The following GRAMD4 variants were observed in gnomAD, a reference collection of about 807,000 sequenced individuals.
GRAMD4 encodes the protein GRAM domain-containing protein 4.
Under a neutral mutation model 83.9 loss-of-function variants are expected in GRAMD4, and 25 were observed. That is an observed-to-expected ratio of 0.30 (90% CI 0.22 to 0.42). The LOEUF is 0.42. GRAMD4 is among the 10% of genes least tolerant of loss of function. GRAMD4 has a pLI of 1.00. For synonymous variants in GRAMD4, 336 were observed against 320.9 expected (o/e 1.05, Z -0.50); for missense variants, 593 against 788.7 (o/e 0.75, Z 2.97).
intron 8 of GRAMD4, 57 bp downstream of exon 8, chr22:46,664,174 A>G: frequency 1.6e-6 from 2 of 1,259,248 alleles, no homozygotes; most frequent in Non-Finnish European, 2.3e-6. Flanking sequence ...GCCAGCATTC[A>G]CCACATGATC....
chr22:46,618,946 G>T (rs754089867), upstream of GRAMD4, among the ~76,000 whole-genome samples: 5 of 152,240 alleles, frequency 3.3e-5, no homozygotes, highest in Non-Finnish European at 7.3e-5. The surrounding 1 kb of genome is among the most constrained non-coding windows in gnomAD (Gnocchi z 5.8). Context: ...TGAGATACTG[G>T]TGAGCTGTCC....
chr22:46,597,830 A>T (rs2081277286), intron 1 of GRAMD4, among the ~76,000 whole-genome samples: 1 of 152,070 alleles, frequency 6.6e-6, no homozygotes, highest in South Asian at 2.1e-4. Flanking sequence ...GTACAGTTTG[A>T]TTTGCAAGTT....
intron 1 of GRAMD4, among the ~76,000 whole-genome samples, chr22:46,594,825 G>A (rs8140936): frequency 0.042 from 6,310 of 151,982 alleles, 439 homozygotes; most frequent in African/African-American, 0.14. Context: ...CTGGGGTTGG[G>A]GGTGAGGAGG....
At position 46,659,833 on chromosome 22, in the gene GRAMD4, G is replaced by T. The variant is rs371088432; in HGVS notation, c.404+1526G>T. ...AATGGGTGCATGGGCCTCGGCAGGC[G>T]CTTTACCTGATGCTGAACCTTCTGG... On this transcript the variant is annotated intron_variant, in intron 4 of 18. Coordinates refer to ENST00000406902, the MANE Select transcript of GRAMD4 (RefSeq NM_015124.5). The surrounding 1 kb of genome is among the most constrained non-coding windows in gnomAD (Gnocchi z 4.1). Among the ~76,000 whole-genome samples, 2 of 152,176 alleles carry T rather than the reference G, an allele frequency of 1.3e-5. No homozygotes were observed. Among genetic ancestry groups the T allele is most frequent in the Non-Finnish European group, 2.9e-5 (2 of 68,032 alleles).
chr22:46,674,013 G>T (rs2082555390), intron 15 of GRAMD4, among the ~76,000 whole-genome samples, 199 bp downstream of exon 15: 1 of 152,226 alleles, frequency 6.6e-6, no homozygotes, highest in South Asian at 2.1e-4. Flanking sequence ...GGGGAGGAGG[G>T]CGTGCCCGTG....
At chr22:46,624,518 A>G (rs1298808908) in intron 1 of GRAMD4, among the ~76,000 whole-genome samples, 11 of 151,740 alleles carry the variant, frequency 7.2e-5, no homozygotes, top group Non-Finnish European at 1.3e-4. Context: ...TAGTAGAGAC[A>G]GGGTTTCACC....
intron 1 of GRAMD4, among the ~76,000 whole-genome samples, chr22:46,623,919 T>G (rs148945456): frequency 7.9e-5 from 12 of 151,836 alleles, no homozygotes; most frequent in African/African-American, 2.9e-4. Context: ...GTAGCTGGGA[T>G]TGTAGGCGCA....
In GRAMD4 at chr22:46,672,974, T is replaced by C. The variant is rs1287478977; in HGVS notation, c.1216T>C (p.Ser406Pro). 1 of 1,605,946 alleles carries C rather than the reference T, an allele frequency of 6.2e-7. No homozygotes were observed. ...CACCGACCCGCAGCTCAAGGAGCGC[T>C]CCAGCGCCGCAGTCTCACGCAGGGT... Reference protein sequence around the residue: ...LPTDPQLKERSSAAVSRRLQT... With the variant: ...LPTDPQLKERPSAAVSRRLQT... The change falls in exon 14 of 19, where the codon TCC becomes CCC. Residue 406 changes from serine (S) to proline (P), a missense_variant. Physicochemically the swap from Ser to Pro is moderately conservative, Grantham distance 74. Around this residue, in one of 4 missense-constraint regions of GRAMD4, gnomAD observed 171 missense variants for 199.6 expected, o/e 0.86. Coordinates refer to ENST00000406902, the MANE Select transcript of GRAMD4 (RefSeq NM_015124.5). The surrounding 1 kb of genome is among the most constrained non-coding windows in gnomAD (Gnocchi z 4.7).
At chr22:46,653,829 G>C (rs968417990) in intron 3 of GRAMD4, among the ~76,000 whole-genome samples, 1 of 152,138 alleles carries the variant, frequency 6.6e-6, no homozygotes. Context: ...GAGCCTTCCC[G>C]CCTTGGCCTA....
chr22:46,584,695 C>T (rs752571112), intron 1 of GRAMD4, among the ~76,000 whole-genome samples: 136 of 152,256 alleles, frequency 8.9e-4, no homozygotes, highest in Middle Eastern at 3.4e-3. Flanking sequence ...GGGGAGGGGC[C>T]GCCACCTCCC....
In GRAMD4 at chr22:46,678,847, C is replaced by T. The variant is rs751951089; in HGVS notation, c.*1596C>T. ...GGGGGTGCTTTGGGGGGAGCTGCGCCGATCACCAGATTAAGCACATGTCCT... is the reference window on the plus strand; with the variant it reads ...GGGGGTGCTTTGGGGGGAGCTGCGCTGATCACCAGATTAAGCACATGTCCT... On this transcript the variant is annotated 3_prime_UTR_variant, in exon 19 of 19. Transcript: ENST00000406902. 6.0e-5 allele frequency: 59 copies of T among 985,986 alleles called. No homozygotes were observed. The highest frequency in any genetic ancestry group is 6.5e-5 in the Non-Finnish European group (54 of 830,078). 61.1% of individuals were successfully genotyped at this position (985,986 alleles called of 1,614,324 possible).
At chr22:46,643,135 G>GGATCCATCTGTC (rs2082004322) in intron 3 of GRAMD4, among the ~76,000 whole-genome samples, 1 of 7,990 alleles carries the variant, frequency 1.3e-4, no homozygotes. Context: ...ATCCATCCAT[G>GGATCCATCTGTC]CATCCTTCCA....
In GRAMD4 at chr22:46,639,153, AGTGTGTGTGTGT is replaced by A. The variant is rs3081630; in HGVS notation, c.283+1210_283+1221del. Among the ~76,000 whole-genome samples the A allele has an allele frequency of 1.2e-3, 177 of 149,726 alleles. 1 individual carries two copies. The highest frequency in any genetic ancestry group is 4.1e-3 in the African/African-American group (165 of 40,664). The stretch of plus-strand genomic sequence containing the variant: ...GGCTATGGTTAACGGTGTGTGCGTG[AGTGTGTGTGTGT>A]GTGTGTGTGTGTGTGTATGTACAGT... On this transcript the variant is annotated intron_variant, in intron 3 of 18. Transcript: ENST00000406902.
intron 1 of GRAMD4, among the ~76,000 whole-genome samples, chr22:46,587,292 A>G (rs1244103448): frequency 2.0e-5 from 3 of 152,158 alleles, no homozygotes; most frequent in African/African-American, 7.2e-5. Context: ...GCTGGACCCC[A>G]GCAAGGTGTG....
At chr22:46,658,355 C>T (rs1438138707) in intron 4 of GRAMD4, 48 bp downstream of exon 4, 22 of 1,513,976 alleles carry the variant, frequency 1.5e-5, no homozygotes, top group Non-Finnish European at 1.9e-5. Flanking sequence ...CTGCCCCAAC[C>T]CCCCACCCCA....
In GRAMD4 at chr22:46,678,913, C is replaced by T. The variant is rs1419895978; in HGVS notation, c.*1662C>T. On this transcript the variant is annotated 3_prime_UTR_variant, in exon 19 of 19. Transcript: ENST00000406902. ...GCGGAGCCCCCGTGGCTCTGGACTGCGCGGACGTTGGCGTCAGGATGACCA... is the reference window on the plus strand; with the variant it reads ...GCGGAGCCCCCGTGGCTCTGGACTGTGCGGACGTTGGCGTCAGGATGACCA... The T allele has an allele frequency of 3.0e-5, 30 of 985,856 alleles. 1 individual carries two copies. Among genetic ancestry groups the T allele is most frequent in the Non-Finnish European group, 3.6e-5 (30 of 829,992 alleles). 61.1% of individuals were successfully genotyped at this position (985,856 alleles called of 1,614,324 possible).
rs537195751 is a variant in GRAMD4 at position 46,612,569 on chromosome 22, G to A, written c.-49-14182G>A. On this transcript the variant is annotated intron_variant, in intron 1 of 1. Coordinates refer to the GRAMD4 transcript ENST00000431155. ...GCTTCCTCTCAAGGCCCAAGCTGGT[G>A]TAAGCCTGGACTGTGGCCCAGGTTC... Among the ~76,000 whole-genome samples the A allele has an allele frequency of 2.6e-5, 4 of 152,364 alleles. 1 individual carries two copies. In the South Asian group the frequency reaches 8.3e-4, roughly 32 times the overall value.
intron 13 of GRAMD4, among the ~76,000 whole-genome samples, chr22:46,669,699 C>T (rs371008035): frequency 1.3e-5 from 2 of 152,066 alleles, no homozygotes; most frequent in East Asian, 3.9e-4. Flanking sequence ...CCTCAGCCTC[C>T]CAAGTAGCTG....
At chr22:46,648,935 C>CATGGATGG (rs57053112) in intron 3 of GRAMD4, among the ~76,000 whole-genome samples, 38 of 45,530 alleles carry the variant, frequency 8.3e-4, no homozygotes, top group Non-Finnish European at 1.3e-3. Context: ...TGGATGGATG[C>CATGGATGG]ATGGATGGAT....
Sources: allele counts gnomAD v4.1 joint callset (sites outside exome capture counted in the v4.1 genomes callset), GRCh38; gene constraint gnomAD v4.1.1; regional missense constraint gnomAD v4.1.1; non-coding constraint Gnocchi (gnomAD v3.1); transcripts MANE v1.5; gene names NCBI Gene and HGNC (gene_info 2026-07-23, HGNC 2026-07-21).